Variants in SVIL observed in about 807,000 individuals in gnomAD.
The protein encoded by SVIL is supervillin.
SVIL carries 101 observed loss-of-function variants against 240.4 expected under a neutral mutation model. The observed-to-expected ratio is 0.42, with a 90% CI of 0.36 to 0.50. The LOEUF (loss-of-function observed/expected upper bound fraction) is 0.50, where lower values mean the gene tolerates loss of function less well. Ranked by LOEUF, SVIL falls within the 20% of genes least tolerant of loss-of-function variation. SVIL has a pLI of 0.01. For missense variants in SVIL, 2,512 were observed against 2,818.7 expected, an observed-to-expected ratio of 0.89 and a Z score of 2.46; for synonymous variants, 999 against 1,100.0, an observed-to-expected ratio of 0.91 and a Z score of 1.82.
At chr10:29,606,215 T>A (rs1046669126) in intron 1 of SVIL, among the ~76,000 whole-genome samples, 3 of 152,120 alleles carry the variant, frequency 2.0e-5, no homozygotes, top group Non-Finnish European at 4.4e-5. Flanking sequence ...GGCCTATTTT[T>A]AAAAATTTCT....
chr10:29,642,609 G>A (rs1250830288), intron 3 of SVIL, among the ~76,000 whole-genome samples: 1 of 152,146 alleles, frequency 6.6e-6, no homozygotes, highest in Non-Finnish European at 1.5e-5. Flanking sequence ...CTAGCAACAT[G>A]TGCCACTCAG....
intron 1 of SVIL, among the ~76,000 whole-genome samples, chr10:29,733,062 A>G (rs1964709909): frequency 6.6e-6 from 1 of 152,118 alleles, no homozygotes. Flanking sequence ...CCTAGCCCCA[A>G]CTTGCTGAGA....
intron 2 of SVIL, among the ~76,000 whole-genome samples, chr10:29,661,167 C>T (rs1357252913): frequency 9.1e-6 from 1 of 110,324 alleles, no homozygotes; most frequent in Non-Finnish European, 1.8e-5. Context: ...CACCGTCTCA[C>T]AAGAAAAAAA....
intron 3 of SVIL, among the ~76,000 whole-genome samples, chr10:29,644,369 C>T (rs546655871): frequency 2.0e-5 from 3 of 152,234 alleles, no homozygotes; most frequent in South Asian, 4.1e-4. Context: ...CACACAGGAG[C>T]GAGGAGCCTT....
intron 3 of SVIL, among the ~76,000 whole-genome samples, chr10:29,642,413 GAGTGAGAAAGAA>G (rs1958513986): frequency 7.5e-6 from 1 of 132,588 alleles, no homozygotes; most frequent in Non-Finnish European, 1.6e-5. Flanking sequence ...GAAAGAGAGA[GAGTGAGAAAGAA>G]AGAAAGAAAG....
chr10:29,545,853 C>CAAAAAAAAAAAAA (rs755360700), intron 6 of SVIL, among the ~76,000 whole-genome samples: 66 of 63,530 alleles, frequency 1.0e-3, no homozygotes, highest in East Asian at 2.7e-3. Flanking sequence ...GACTCTGTCT[C>CAAAAAAAAAAAAA]AAAAAAAAAA....
chr10:29,623,888 A>G (rs1202028546), intron 1 of SVIL, among the ~76,000 whole-genome samples: 1 of 152,178 alleles, frequency 6.6e-6, no homozygotes, highest in African/African-American at 2.4e-5. Context: ...GTCATTTGCC[A>G]TGGTGGTCCC....
chr10:29,647,624 G>GGGGGGTGTGT (rs148132418), intron 3 of SVIL, among the ~76,000 whole-genome samples: 16 of 151,684 alleles, frequency 1.1e-4, no homozygotes, highest in South Asian at 6.3e-4. Flanking sequence ...TGCAAATATA[G>GGGGGGTGTGT]GTGTGTGTGT....
At chr10:29,540,026 G>A (rs1482552935) in intron 6 of SVIL, among the ~76,000 whole-genome samples, 3 of 151,904 alleles carry the variant, frequency 2.0e-5, no homozygotes, top group Non-Finnish European at 4.4e-5. Flanking sequence ...AGCCACCACC[G>A]CCTCTCACGT....
intron 1 of SVIL, among the ~76,000 whole-genome samples, chr10:29,730,272 T>C (rs1964544097): frequency 6.6e-6 from 1 of 152,192 alleles, no homozygotes; most frequent in Non-Finnish European, 1.5e-5. Context: ...CCAGTGAAAG[T>C]CCTGGGTGAA....
chr10:29,686,204 G>C (rs1961056532), intron 2 of SVIL, among the ~76,000 whole-genome samples: 1 of 152,206 alleles, frequency 6.6e-6, no homozygotes, highest in Admixed American at 6.5e-5. Context: ...CTACACTTTA[G>C]TGGTCTTCCT....
rs1442427778 is a variant in SVIL at position 29,617,648 on chromosome 10, T to C, written c.-201+16772A>G. ...TACTTAAGAAAATCTCCACCAAGGA[T>C]GCAGATGTAAACTACTTTTTGGAGA... On this transcript the variant is annotated intron_variant, in intron 1 of 37. Transcript: ENST00000355867. Among the ~76,000 whole-genome samples the C allele has an allele frequency of 2.6e-5, 4 of 151,728 alleles. No individual in the cohort carries two copies. In the East Asian group the frequency reaches 7.7e-4, roughly 29 times the overall value.
At chr10:29,674,167 C>CAA (rs532760758) in intron 2 of SVIL, among the ~76,000 whole-genome samples, 10 of 148,272 alleles carry the variant, frequency 6.7e-5, no homozygotes, top group African/African-American at 2.5e-4. Context: ...CTGATTTCTA[C>CAA]AAAAAAAAAA....
rs35856299 is a variant in SVIL, at chr10:29,482,021, CTTT to C, written c.4956-296_4956-294del. The stretch of plus-strand genomic sequence containing the variant: ...ACATTCTAGCAAGTTCTTTTCTTTT[CTTT>C]TTTTTTTTTTTTTTTTTTTTTAGAG... On this transcript the variant is annotated intron_variant, in intron 27 of 37. Transcript: ENST00000355867. Among the ~76,000 whole-genome samples, 6 of 113,460 alleles carry C rather than the reference CTTT, an allele frequency of 5.3e-5. No individual in the cohort carries two copies. In the South Asian group the frequency reaches 7.8e-4, roughly 15 times the overall value. The allele number at this position is 113,460 out of a possible 152,430, so 74.4% of individuals were successfully genotyped here.
intron 1 of SVIL, among the ~76,000 whole-genome samples, chr10:29,629,039 AGAG>A (rs532379446): frequency 1.4e-3 from 216 of 152,216 alleles, no homozygotes; most frequent in African/African-American, 4.5e-3. Context: ...AAGGTGTCCA[AGAG>A]GAGAAGACAG....
At position 29,465,769 on chromosome 10, in the gene SVIL, C is replaced by T. The variant is rs1944839008; in HGVS notation, c.5978-19G>A. ...CCAGGATCTTTGAAAGAAAAGAGAA[C>T]AAAGCTGAAGATATCATGTGCATCA... On this transcript the variant is annotated intron_variant, in intron 33 of 37. Coordinates refer to ENST00000355867, the MANE Select transcript of SVIL (RefSeq NM_021738.3). The T allele has an allele frequency of 1.9e-6, 3 of 1,609,306 alleles. No homozygotes were observed. Among genetic ancestry groups the T allele is most frequent in the Non-Finnish European group, 2.5e-6 (3 of 1,178,576 alleles).
rs74129652 is a variant in SVIL, at chr10:29,517,525, G to C, written c.3390-4664C>G. ...TCCTACATAAATCTGGGGCCCTCTA[G>C]TGGCTGAAATCTCCCAGCTACAGGG... On this transcript the variant is annotated intron_variant, in intron 16 of 37. Coordinates refer to ENST00000355867, the MANE Select transcript of SVIL (RefSeq NM_021738.3). 6.6e-3 allele frequency among the ~76,000 whole-genome samples: 1,000 copies of C among 152,346 alleles called. 12 individuals are homozygous for C. Among genetic ancestry groups the C allele is most frequent in the African/African-American group, 0.023 (948 of 41,578 alleles).
At chr10:29,620,535 T>C (rs1589402247) in intron 1 of SVIL, among the ~76,000 whole-genome samples, 1 of 152,396 alleles carries the variant, frequency 6.6e-6, no homozygotes, top group East Asian at 1.9e-4. Flanking sequence ...TGAATTGTTT[T>C]TGATATATAG....
At chr10:29,460,230 TAA>T (rs2132261477) in intron 36 of SVIL, among the ~76,000 whole-genome samples, 1 of 152,306 alleles carries the variant, frequency 6.6e-6, no homozygotes, top group South Asian at 2.1e-4. Context: ...GGAATAATAA[TAA>T]GATATCTTGA....
Sources: gnomAD v4.1 joint callset for allele counts (sites outside exome capture counted in the v4.1 genomes callset) on GRCh38, gnomAD v4.1.1 for gene constraint, MANE v1.5 for transcripts, NCBI Gene and HGNC (gene_info 2026-07-23, HGNC 2026-07-21) for gene names.